Variants in RET observed in about 807,000 individuals in gnomAD.
The protein encoded by RET is ret proto-oncogene, also known as proto-oncogene tyrosine-protein kinase receptor Ret.
Under a neutral mutation model 118.3 loss-of-function variants are expected in RET, and 19 were observed. The ratio of observed to expected loss-of-function variants is 0.16; its 90% CI spans 0.11 to 0.24. The LOEUF (loss-of-function observed/expected upper bound fraction) is 0.24, where lower values mean the gene tolerates loss of function less well. RET is among the 10% of genes least tolerant of loss of function. RET has a pLI of 1.00. For synonymous variants in RET, 597 were observed against 644.1 expected, an observed-to-expected ratio of 0.93 and a Z score of 1.11; for missense variants, 1,219 against 1,502.1, an observed-to-expected ratio of 0.81 and a Z score of 3.12.
intron 1 of RET, among the ~76,000 whole-genome samples, chr10:43,096,196 G>C (rs1217438673): frequency 6.6e-6 from 1 of 152,088 alleles, no homozygotes; most frequent in Non-Finnish European, 1.5e-5. Context: ...TGCCAGGAGT[G>C]GGAGTGTCTG....
chr10:43,077,307 C>T lies in RET; in HGVS notation c.49C>T (p.Leu17=), dbSNP rs1328756940. The T allele has an allele frequency of 6.6e-7, 1 of 1,511,894 alleles. No homozygotes were observed. Among genetic ancestry groups the T allele is most frequent in the Non-Finnish European group, 8.8e-7 (1 of 1,135,572 alleles). The allele number at this position is 1,511,894 out of a possible 1,614,324, so 93.7% of individuals were successfully genotyped here. The change falls in exon 1 of 20, where the codon CTG becomes TTG. Residue 17 remains leucine (L), a synonymous_variant. Coordinates refer to ENST00000355710, the MANE Select transcript of RET (RefSeq NM_020975.6). ...CGCGGGGCTGCGTCTGCTGTTGCTG[C>T]TGCTGCTGCCGCTGCTAGGCAAAGG... ...GAAGLRLLLL[L]LLPLLGKVAL...
chr10:43,089,456 G>A (rs1410278849), intron 1 of RET, among the ~76,000 whole-genome samples: 1 of 152,220 alleles, frequency 6.6e-6, no homozygotes, highest in Non-Finnish European at 1.5e-5. Flanking sequence ...CTGGCTGGTG[G>A]GCTGCCAGGA....
rs2132965510 is a variant in RET, at chr10:43,120,222, G to T, written c.2730+19G>T. On this transcript the variant is annotated intron_variant, in intron 15 of 19. Transcript: ENST00000355710. Reference sequence around the variant, plus strand: ...GAGCCAGGTGCCCAGTCCCGGGGATGAGGCGGGGCTCCCAGGGATCCCAGG... The same window carrying T: ...GAGCCAGGTGCCCAGTCCCGGGGATTAGGCGGGGCTCCCAGGGATCCCAGG... 1 of 1,611,760 alleles carries T rather than the reference G, an allele frequency of 6.2e-7. No individual in the cohort carries two copies. Among genetic ancestry groups the T allele is most frequent in the Non-Finnish European group, 8.5e-7 (1 of 1,179,832 alleles).
chr10:43,128,575 TTC>T lies in RET; in HGVS notation c.*308_*309del. The stretch of plus-strand genomic sequence containing the variant: ...CTGTGTCCATCAGTGACCACCAACA[TTC>T]TGTGTTCACATGTGTGGGTCCAACA... On this transcript the variant is annotated 3_prime_UTR_variant, in exon 20 of 20. Coordinates refer to ENST00000355710, the MANE Select transcript of RET (RefSeq NM_020975.6). The T allele has an allele frequency of 2.0e-6, 1 of 494,544 alleles. No homozygotes were observed. Among genetic ancestry groups the T allele is most frequent in the South Asian group, 2.1e-5 (1 of 48,534 alleles). The allele number at this position is 494,544 out of a possible 1,614,324, so 30.6% of individuals were successfully genotyped here. A position where few individuals can be genotyped will look rare whatever the true frequency, so the allele number is the denominator to read the frequency against.
At chr10:43,094,603 C>T (rs139190781) in intron 1 of RET, among the ~76,000 whole-genome samples, 22 of 152,188 alleles carry the variant, frequency 1.4e-4, no homozygotes, top group African/African-American at 4.3e-4. Context: ...TCAGAGCTGC[C>T]GGGTGGTCGG....
intron 1 of RET, among the ~76,000 whole-genome samples, chr10:43,078,310 C>T (rs1474683769): frequency 6.6e-6 from 1 of 152,242 alleles, no homozygotes; most frequent in Admixed American, 6.5e-5. Flanking sequence ...CATCCTCCCT[C>T]ACTCCTTACA....
Position 43,128,386 on chromosome 10 carries a change from T to A in RET, c.*117T>A. 8.0e-7 allele frequency: 1 copy of A among 1,244,226 alleles called. No homozygotes were observed. The highest frequency in any genetic ancestry group is 1.2e-6 in the Non-Finnish European group (1 of 856,104). The allele number at this position is 1,244,226 out of a possible 1,614,324, so 77.1% of individuals were successfully genotyped here. A position where few individuals can be genotyped will look rare whatever the true frequency, so the allele number is the denominator to read the frequency against. ...GGCCGAGCCGTGTTCAGTTCCCAGGTGGCAGACTCGTTTTTGGTAGTTTGT... is the reference window on the plus strand; with the variant it reads ...GGCCGAGCCGTGTTCAGTTCCCAGGAGGCAGACTCGTTTTTGGTAGTTTGT... On this transcript the variant is annotated 3_prime_UTR_variant, in exon 20 of 20. Coordinates refer to ENST00000355710, the MANE Select transcript of RET (RefSeq NM_020975.6).
At chr10:43,124,806 G>A in intron 17 of RET, 77 bp from the exon 18 acceptor site, 1 of 1,387,510 alleles carries the variant, frequency 7.2e-7, no homozygotes, top group South Asian at 1.2e-5. Flanking sequence ...AGGGCAGGGT[G>A]CGATGGCTGT....
rs560180608 is a variant in RET at position 43,097,929 on chromosome 10, G to T, written c.74-2530G>T. On this transcript the variant is annotated intron_variant, in intron 1 of 19. Transcript: ENST00000355710. ...AGCAAACTGATCAAAAAGAGAGATC[G>T]ATTACATACAAGTGCAGTATTCCTA... is the stretch of plus-strand genomic sequence containing the variant. Among the ~76,000 whole-genome samples, 11 of 152,236 alleles carry T rather than the reference G, an allele frequency of 7.2e-5. No individual in the cohort carries two copies. In the East Asian group the frequency reaches 1.9e-3, roughly 27 times the overall value.
chr10:43,083,697 T>A (rs1837234518), intron 1 of RET, among the ~76,000 whole-genome samples: 1 of 152,190 alleles, frequency 6.6e-6, no homozygotes, highest in Non-Finnish European at 1.5e-5. Context: ...CTTGTCCTGG[T>A]CCACATAGCA....
intron 4 of RET, among the ~76,000 whole-genome samples, chr10:43,105,757 C>T (rs1447983194): frequency 6.6e-6 from 1 of 152,142 alleles, no homozygotes; most frequent in Admixed American, 6.5e-5. Flanking sequence ...TGTTCCGCTT[C>T]TCTGGGCACA....
intron 19 of RET, 21 bp from the exon 20 acceptor site, chr10:43,128,091 A>G (rs752001599): frequency 2.7e-5 from 44 of 1,613,870 alleles, no homozygotes; most frequent in Non-Finnish European, 3.6e-5. Context: ...TGCAGAACAA[A>G]TGATCTGTTT....
In RET at chr10:43,093,551, G is replaced by T. The variant is rs183138584; in HGVS notation, c.74-6908G>T. ...ATAGAGACAGGATTAACAGCCCAGGGCCTGGATATGGCTGGTGAGTGAGCC... is the reference window on the plus strand; with the variant it reads ...ATAGAGACAGGATTAACAGCCCAGGTCCTGGATATGGCTGGTGAGTGAGCC... On this transcript the variant is annotated intron_variant, in intron 1 of 19. Coordinates refer to ENST00000355710, the MANE Select transcript of RET (RefSeq NM_020975.6). Among the ~76,000 whole-genome samples the T allele has an allele frequency of 8.5e-5, 13 of 152,342 alleles. 1 individual carries two copies. The South Asian group carries it at 1.7e-3, about 19-fold the overall frequency.
At chr10:43,081,399 C>T (rs946870922) in intron 1 of RET, among the ~76,000 whole-genome samples, 2 of 152,232 alleles carry the variant, frequency 1.3e-5, no homozygotes, top group Non-Finnish European at 2.9e-5. Context: ...TGCTCTAGGG[C>T]TGGGGACTCT....
intron 19 of RET, chr10:43,126,951 AGCAACT>A: frequency 7.0e-7 from 1 of 1,421,358 alleles, no homozygotes; most frequent in Non-Finnish European, 9.2e-7. Context: ...CACATTGCCC[AGCAACT>A]TAGGATGGTA....
intron 1 of RET, among the ~76,000 whole-genome samples, chr10:43,089,694 CAG>C (rs1837370834): frequency 6.6e-6 from 1 of 152,228 alleles, no homozygotes; most frequent in Non-Finnish European, 1.5e-5. Flanking sequence ...ACACCACACA[CAG>C]GGAGGCGTGG....
Position 43,129,772 on chromosome 10 carries a change from C to T in RET, c.*1503C>T, listed in dbSNP as rs1427647709. ...GGCTTGGATGCGTGTGTAATAGAGCCTTGTGGTGTGTGCGCACACACCCAG... is the reference window on the plus strand; with the variant it reads ...GGCTTGGATGCGTGTGTAATAGAGCTTTGTGGTGTGTGCGCACACACCCAG... On this transcript the variant is annotated 3_prime_UTR_variant, in exon 20 of 20. Transcript: ENST00000355710. 1 of 393,342 alleles carries T rather than the reference C, an allele frequency of 2.5e-6. No individual in the cohort carries two copies. The highest frequency in any genetic ancestry group is 4.5e-6 in the Non-Finnish European group (1 of 222,986). The allele number at this position is 393,342 out of a possible 1,614,324, so 24.4% of individuals were successfully genotyped here.
intron 15 of RET, among the ~76,000 whole-genome samples, chr10:43,120,626 C>G (rs1183416562): frequency 6.6e-6 from 1 of 152,244 alleles, no homozygotes; most frequent in Non-Finnish European, 1.5e-5. Flanking sequence ...ACAAGTGAGG[C>G]TTCTCCCGCA....
At chr10:43,100,870 G>A in intron 2 of RET, 148 bp downstream of exon 2, 1 of 878,046 alleles carries the variant, frequency 1.1e-6, no homozygotes, top group Non-Finnish European at 1.8e-6. Flanking sequence ...AGGCTGGCCT[G>A]CCTCTGTGTC....
Sources: allele counts gnomAD v4.1 joint callset (sites outside exome capture counted in the v4.1 genomes callset), GRCh38; gene constraint gnomAD v4.1.1; transcripts MANE v1.5; gene names NCBI Gene and HGNC (gene_info 2026-07-23, HGNC 2026-07-21).